Variants in LRCH1 observed in about 807,000 individuals in gnomAD.
LRCH1 encodes the protein leucine rich repeats and calponin homology domain containing 1.
LRCH1 carries 23 observed loss-of-function variants against 94.9 expected under a neutral mutation model. The observed-to-expected ratio is 0.24, with a 90% CI of 0.17 to 0.34. The LOEUF (loss-of-function observed/expected upper bound fraction) is 0.34, where lower values mean the gene tolerates loss of function less well. LRCH1 is among the 10% of genes least tolerant of loss of function. The pLI, the probability that LRCH1 is intolerant of heterozygous loss-of-function variation, is 1.00. For missense variants in LRCH1, 790 were observed against 945.9 expected, an observed-to-expected ratio of 0.84 and a Z score of 2.16; for synonymous variants, 364 against 354.9, an observed-to-expected ratio of 1.03 and a Z score of -0.29.
downstream of LRCH1, among the ~76,000 whole-genome samples, chr13:46,745,565 A>G (rs1019733322): frequency 6.6e-6 from 1 of 152,076 alleles, no homozygotes; most frequent in African/African-American, 2.4e-5. Context: ...GATGGACTAG[A>G]AGGTAGCATG....
intron 1 of LRCH1, among the ~76,000 whole-genome samples, chr13:46,581,423 CAG>C (rs1484988587): frequency 1.3e-5 from 2 of 152,130 alleles, no homozygotes; most frequent in Non-Finnish European, 2.9e-5. Context: ...AGAAGTGGGA[CAG>C]AAAAGATTCA....
At chr13:46,570,633 A>G (rs2050231468) in intron 1 of LRCH1, among the ~76,000 whole-genome samples, 2 of 152,208 alleles carry the variant, frequency 1.3e-5, no homozygotes, top group South Asian at 4.1e-4. Context: ...GGTTGCTTAA[A>G]AAACAACAAA....
chr13:46,737,284 A>G (rs957088860), intron 19 of LRCH1, among the ~76,000 whole-genome samples: 3 of 152,188 alleles, frequency 2.0e-5, no homozygotes, highest in African/African-American at 7.2e-5. Context: ...ATGATTTTTT[A>G]AGACAGGGTC....
rs3068695 is a variant in LRCH1 at position 46,600,618 on chromosome 13, TAC to T, written c.307+46951_307+46952del. Among the ~76,000 whole-genome samples, 221 of 143,282 alleles carry T rather than the reference TAC, an allele frequency of 1.5e-3. 1 individual carries two copies. Among genetic ancestry groups the T allele is most frequent in the African/African-American group, 4.8e-3 (184 of 38,476 alleles). The allele number at this position is 143,282 out of a possible 152,430, so 94.0% of individuals were successfully genotyped here. On this transcript the variant is annotated intron_variant, in intron 1 of 19. Coordinates refer to ENST00000389797, the MANE Select transcript of LRCH1 (RefSeq NM_001164211.2). Reference sequence around the variant, plus strand: ...AGTTTTTTTACATCCTGACCAGATTTACACACACACACACACACACACACACA... The same window carrying T: ...AGTTTTTTTACATCCTGACCAGATTTACACACACACACACACACACACACA...
chr13:46,709,967 A>G (rs953149470), intron 13 of LRCH1, among the ~76,000 whole-genome samples: 1 of 152,130 alleles, frequency 6.6e-6, no homozygotes, highest in African/African-American at 2.4e-5. Context: ...TGATTTGGTT[A>G]TTTTTATATT....
intron 1 of LRCH1, among the ~76,000 whole-genome samples, chr13:46,638,150 A>T (rs1164769345): frequency 6.6e-6 from 1 of 152,236 alleles, no homozygotes; most frequent in African/African-American, 2.4e-5. Flanking sequence ...TATTTGTGAC[A>T]AATATAGTAT....
chr13:46,621,443 T>C (rs1391128434), intron 1 of LRCH1, among the ~76,000 whole-genome samples: 5 of 152,160 alleles, frequency 3.3e-5, no homozygotes, highest in Non-Finnish European at 2.9e-5. Flanking sequence ...GAGATCTTAG[T>C]CTGGGGCAGC....
In LRCH1 at chr13:46,742,423, G is replaced by A. The variant is rs1593390462; in HGVS notation, c.*575G>A. 1 of 987,080 alleles carries A rather than the reference G, an allele frequency of 1.0e-6. No homozygotes were observed. Among genetic ancestry groups the A allele is most frequent in the Non-Finnish European group, 1.2e-6 (1 of 831,132 alleles). 61.1% of individuals were successfully genotyped at this position (987,080 alleles called of 1,614,324 possible). ...ACTCACACTGCCTTGATGGCCATTC[G>A]ATTGGATTCCTCCCAAATTTCCTAA... is the stretch of plus-strand genomic sequence containing the variant. On this transcript the variant is annotated 3_prime_UTR_variant, in exon 20 of 20. Coordinates refer to ENST00000389797, the MANE Select transcript of LRCH1 (RefSeq NM_001164211.2).
At chr13:46,710,368 GA>G (rs34259902) in intron 13 of LRCH1, among the ~76,000 whole-genome samples, 1 of 152,186 alleles carries the variant, frequency 6.6e-6, no homozygotes, top group Non-Finnish European at 1.5e-5. Context: ...GAGCCACACG[GA>G]AAGGGGAGGC....
intron 13 of LRCH1, among the ~76,000 whole-genome samples, chr13:46,710,044 A>T (rs1871978326): frequency 6.6e-6 from 1 of 152,196 alleles, no homozygotes; most frequent in African/African-American, 2.4e-5. Flanking sequence ...ATTCACCAGT[A>T]TTTGTTGAGT....
At chr13:46,704,737 C>T (rs1337608525) in intron 11 of LRCH1, among the ~76,000 whole-genome samples, 2 of 151,946 alleles carry the variant, frequency 1.3e-5, no homozygotes, top group Non-Finnish European at 2.9e-5. Context: ...CTCTCAGCAA[C>T]TTGACTTGCT....
intron 1 of LRCH1, among the ~76,000 whole-genome samples, chr13:46,556,826 T>C (rs1430019654): frequency 6.6e-6 from 1 of 152,198 alleles, no homozygotes; most frequent in Non-Finnish European, 1.5e-5. Flanking sequence ...TCAACCAGCA[T>C]TGATTCCACA....
chr13:46,680,862 C>T (rs993505323), intron 3 of LRCH1, among the ~76,000 whole-genome samples: 1 of 152,166 alleles, frequency 6.6e-6, no homozygotes, highest in Admixed American at 6.5e-5. Context: ...AAGGCGGAGA[C>T]TGATGTATGG....
chr13:46,665,945 T>C (rs2051509500), intron 2 of LRCH1, among the ~76,000 whole-genome samples: 1 of 152,206 alleles, frequency 6.6e-6, no homozygotes, highest in South Asian at 2.1e-4. Flanking sequence ...CCTGTCTAAA[T>C]ATTTGCTGGA....
At chr13:46,629,809 A>G (rs1312352923) in intron 1 of LRCH1, among the ~76,000 whole-genome samples, 1 of 152,240 alleles carries the variant, frequency 6.6e-6, no homozygotes, top group Non-Finnish European at 1.5e-5. Context: ...GACATGAACC[A>G]CAGTATCAGG....
At chr13:46,710,831 G>A (rs537433514) in intron 13 of LRCH1, among the ~76,000 whole-genome samples, 1 of 152,174 alleles carries the variant, frequency 6.6e-6, no homozygotes, top group Non-Finnish European at 1.5e-5. Context: ...GAGGATCAGG[G>A]GGTTCTTGAC....
chr13:46,583,169 G>C (rs937985838), intron 1 of LRCH1, among the ~76,000 whole-genome samples: 6 of 152,118 alleles, frequency 3.9e-5, no homozygotes, highest in Non-Finnish European at 7.4e-5. Context: ...GCTTAATTTT[G>C]ACAGTTACCA....
chr13:46,689,315 A>G, intron 7 of LRCH1, 119 bp downstream of exon 7: 2 of 695,528 alleles, frequency 2.9e-6, no homozygotes, highest in Non-Finnish European at 2.4e-6. Flanking sequence ...GATATTCGTA[A>G]AAGTGATTTG....
At chr13:46,697,703 C>T (rs866026237) in intron 9 of LRCH1, among the ~76,000 whole-genome samples, 21 of 152,280 alleles carry the variant, frequency 1.4e-4, no homozygotes, top group Middle Eastern at 3.4e-3. Flanking sequence ...TTTTTTACCA[C>T]TCTGTAGATG....
Sources: gnomAD v4.1 joint callset for allele counts (sites outside exome capture counted in the v4.1 genomes callset) on GRCh38, gnomAD v4.1.1 for gene constraint, MANE v1.5 for transcripts, NCBI Gene and HGNC (gene_info 2026-07-23, HGNC 2026-07-21) for gene names.